FANCA: variants seen among roughly 807,000 people sequenced by gnomAD.
The protein encoded by FANCA is FA complementation group A.
In FANCA, 236 loss-of-function variants were observed where a neutral mutation model predicts 194.3. The ratio of observed to expected loss-of-function variants is 1.21; its 90% CI spans 1.09 to 1.35. The LOEUF is 1.35. Ranked by LOEUF, FANCA falls within the 40% of genes most tolerant of loss-of-function variation. The pLI, the probability that FANCA is intolerant of heterozygous loss-of-function variation, is 0.00. For synonymous variants in FANCA, 1,014 were observed against 715.8 expected (o/e 1.42, Z -6.65); for missense variants, 2,628 against 1,813.9 (o/e 1.45, Z -8.15).
chr16:89,789,294 C>A (rs2039992106), intron 14 of FANCA, among the ~76,000 whole-genome samples: 1 of 105,338 alleles, frequency 9.5e-6, no homozygotes, highest in South Asian at 3.1e-4. Flanking sequence ...AGCCTCAGCT[C>A]CTCAGAAGGC....
At chr16:89,788,258 C>G (rs534867285) in intron 14 of FANCA, among the ~76,000 whole-genome samples, 16 of 152,114 alleles carry the variant, frequency 1.1e-4, no homozygotes, top group African/African-American at 3.4e-4. Context: ...CTCAAGAGAT[C>G]GAGACCATCC....
chr16:89,771,526 C>A (rs1358125289), intron 23 of FANCA, 152 bp downstream of exon 23: 2 of 807,246 alleles, frequency 2.5e-6, no homozygotes, highest in Non-Finnish European at 4.1e-6. Flanking sequence ...GGCAGCTGAC[C>A]CTGGTACACC....
chr16:89,744,588 G>A, intron 36 of FANCA: 4 of 348,816 alleles, frequency 1.1e-5, no homozygotes, highest in South Asian at 9.3e-5. Context: ...AGGTGCAAAG[G>A]AATCACTCGA....
At chr16:89,791,569 G>C (rs541396583) in intron 13 of FANCA, 33 bp from the exon 14 acceptor site, 1 of 1,613,018 alleles carries the variant, frequency 6.2e-7, no homozygotes, top group Admixed American at 1.7e-5. Flanking sequence ...TCACAGCAAG[G>C]CAAGGGCAGC....
intron 30 of FANCA, among the ~76,000 whole-genome samples, chr16:89,752,701 G>A (rs1352562048): frequency 6.6e-6 from 1 of 152,216 alleles, no homozygotes; most frequent in African/African-American, 2.4e-5. Flanking sequence ...GATATACTGA[G>A]GTGTGACCAG....
chr16:89,792,162 C>G (rs1567636400), intron 12 of FANCA, 94 bp from the exon 13 acceptor site: 50 of 1,437,592 alleles, frequency 3.5e-5, no homozygotes, highest in Non-Finnish European at 4.7e-5. Context: ...GCCACCGCAG[C>G]CCCCTCACTT....
intron 8 of FANCA, among the ~76,000 whole-genome samples, chr16:89,801,699 C>G (rs865838397): frequency 6.6e-6 from 1 of 152,142 alleles, no homozygotes; most frequent in Middle Eastern, 3.4e-3. Flanking sequence ...ACCATCCTAG[C>G]CAACAGAGTG....
At chr16:89,754,413 C>T (rs528368321) in intron 30 of FANCA, among the ~76,000 whole-genome samples, 1 of 152,238 alleles carries the variant, frequency 6.6e-6, no homozygotes, top group Admixed American at 6.5e-5. Flanking sequence ...CTCTTGTCGC[C>T]CAGGCTGGAG....
intron 3 of FANCA, among the ~76,000 whole-genome samples, chr16:89,814,169 C>G (rs1164780657): frequency 6.6e-6 from 1 of 152,140 alleles, no homozygotes; most frequent in Non-Finnish European, 1.5e-5. Flanking sequence ...GAAGGAGGTA[C>G]CTAGAAAATT....
intron 14 of FANCA, among the ~76,000 whole-genome samples, chr16:89,790,202 G>A (rs1272906726): frequency 2.6e-5 from 4 of 151,788 alleles, no homozygotes; most frequent in Non-Finnish European, 5.9e-5. Flanking sequence ...AGGATTTTGA[G>A]ACCAGCCTGA....
rs757283355 is a variant in FANCA, at chr16:89,792,537, A to G, written c.1017T>C (p.Ala339=). 3 of 1,613,012 alleles carry G rather than the reference A, an allele frequency of 1.9e-6. No homozygotes were observed. The highest frequency in any genetic ancestry group is 2.5e-6 in the Non-Finnish European group (3 of 1,179,782). Residue 339 remains alanine, a synonymous_variant, in exon 12 of 43, where the codon GCT becomes GCC. Transcript: ENST00000389301. ...AGCTCCACTCTCTCTGCATCTGAAC[A>G]GCATCAGATGCTGCAGGGGGAGAAA... ...THSPVLKASD[A]VQMQREWSFA... is the part of the protein sequence containing the mutation.
chr16:89,815,478 C>T (rs1041536100), intron 2 of FANCA, among the ~76,000 whole-genome samples: 5 of 150,816 alleles, frequency 3.3e-5, no homozygotes, highest in African/African-American at 4.9e-5. Flanking sequence ...GCCTCAGGCT[C>T]CCGAGTAGCT....
intron 10 of FANCA, among the ~76,000 whole-genome samples, chr16:89,796,398 G>C (rs992398527): frequency 5.3e-5 from 8 of 152,134 alleles, no homozygotes; most frequent in African/African-American, 1.9e-4. Context: ...CTGTGACACG[G>C]AACTCCCCCA....
chr16:89,778,304 A>C, intron 20 of FANCA: 1 of 294,974 alleles, frequency 3.4e-6, no homozygotes, highest in Non-Finnish European at 6.5e-6. Flanking sequence ...TGTCTGTACT[A>C]AAAATACAAA....
intron 10 of FANCA, chr16:89,798,354 T>C: frequency 3.9e-6 from 4 of 1,036,034 alleles, no homozygotes; most frequent in Non-Finnish European, 4.7e-6. Flanking sequence ...CATGTAAACA[T>C]TCAGGAAATC....
In FANCA at chr16:89,738,308, A is replaced by G; in HGVS notation, c.*293T>C. ...ACTCCGCAGTGGCTGTGTCAGCCTC[A>G]CCCTTCGTGTGCACCCGCATGGGAG... On this transcript the variant is annotated 3_prime_UTR_variant, in exon 43 of 43. Coordinates refer to ENST00000389301, the MANE Select transcript of FANCA (RefSeq NM_000135.4). 1.3e-6 allele frequency: 2 copies of G among 1,525,736 alleles called. No individual in the cohort carries two copies. Among genetic ancestry groups the G allele is most frequent in the Non-Finnish European group, 1.8e-6 (2 of 1,136,700 alleles). 94.5% of individuals were successfully genotyped at this position (1,525,736 alleles called of 1,614,324 possible).
At chr16:89,783,181 A>G in intron 15 of FANCA, 79 bp from the exon 16 acceptor site, 5 of 992,804 alleles carry the variant, frequency 5.0e-6, no homozygotes, top group South Asian at 4.0e-5. Context: ...TTCACTTCCA[A>G]CATCCACAGT....
intron 11 of FANCA, among the ~76,000 whole-genome samples, chr16:89,793,201 G>A (rs1445930712): frequency 1.3e-5 from 2 of 152,104 alleles, no homozygotes; most frequent in African/African-American, 4.8e-5. Flanking sequence ...AGTAGTGAGT[G>A]GTGTTCCTTG....
At position 89,758,610 on chromosome 16, in the gene FANCA, A is replaced by G. The variant is rs144681625; in HGVS notation, c.2948T>C (p.Ile983Thr). 1.2e-6 allele frequency: 2 copies of G among 1,614,014 alleles called. No individual in the cohort carries two copies. Among genetic ancestry groups the G allele is most frequent in the African/African-American group, 1.3e-5 (1 of 75,036 alleles). Residue 983 changes from isoleucine (I) to threonine (T), a missense_variant, in exon 30 of 43, where the codon ATT (isoleucine) becomes ACT (threonine). Coordinates refer to ENST00000389301, the MANE Select transcript of FANCA (RefSeq NM_000135.4). ...CDGDLQAACT[I>T]LVNALMDFHQ... ...GAAATCCATCAGTGCGTTGACAAGAATGGTACACGCAGCCTGCAGGTCTCC... is the reference window on the plus strand; with the variant it reads ...GAAATCCATCAGTGCGTTGACAAGAGTGGTACACGCAGCCTGCAGGTCTCC...
Sources: allele counts gnomAD v4.1 joint callset (sites outside exome capture counted in the v4.1 genomes callset), GRCh38; gene constraint gnomAD v4.1.1; transcripts MANE v1.5; gene names NCBI Gene and HGNC (gene_info 2026-07-23, HGNC 2026-07-21).